Variants in ACOT11 observed in about 807,000 individuals in gnomAD.
ACOT11 encodes the protein acyl-CoA thioesterase 11.
In ACOT11, 69 loss-of-function variants were observed where a neutral mutation model predicts 77.5. The ratio of observed to expected loss-of-function variants is 0.89; its 90% CI spans 0.73 to 1.09. The LOEUF is 1.09. Among genes scored for constraint, ACOT11 ranks in the 50% least tolerant of loss-of-function variants. The pLI, the probability that ACOT11 is intolerant of heterozygous loss-of-function variation, is 0.00. For synonymous variants in ACOT11, 279 were observed against 313.0 expected (o/e 0.89, Z 1.15); for missense variants, 766 against 813.7 (o/e 0.94, Z 0.71).
downstream of ACOT11, chr1:54,610,848 G>A (rs1644110275): frequency 1.0e-6 from 1 of 985,392 alleles, no homozygotes; most frequent in Non-Finnish European, 1.2e-6. Context: ...GGAATGCTGA[G>A]TCTGATGGGG....
At chr1:54,579,668 G>T (rs550227438) in intron 1 of ACOT11, among the ~76,000 whole-genome samples, 11 of 152,160 alleles carry the variant, frequency 7.2e-5, no homozygotes, top group Non-Finnish European at 1.5e-4. Flanking sequence ...CCACAACTCT[G>T]GAGTGGGTGC....
In ACOT11 at chr1:54,548,301, C is replaced by T. The variant is rs758888029; in HGVS notation, c.-9C>T. 2.5e-6 allele frequency: 4 copies of T among 1,593,880 alleles called. No individual in the cohort carries two copies. The highest frequency in any genetic ancestry group is 3.4e-6 in the Non-Finnish European group (4 of 1,170,656). On this transcript the variant is annotated 5_prime_UTR_variant, in exon 1 of 16. Transcript: ENST00000343744. ...GGGAGGGCGCTGCTTTCCCCGGCCA[C>T]CCGGCGCGATGATCCAGAATGTCGG...
Position 54,592,615 on chromosome 1 carries a change from G to C in ACOT11, c.372+9G>C, listed in dbSNP as rs756243665. ...TCAACTCCAGCATGGAGGTGTGTGG[G>C]GTGGGCACTGCTTGGGAGTGGGTGC... On this transcript the variant is annotated intron_variant, in intron 4 of 15. Coordinates refer to ENST00000343744, the MANE Select transcript of ACOT11 (RefSeq NM_147161.4). 1.2e-6 allele frequency: 2 copies of C among 1,613,278 alleles called. No homozygotes were observed. The highest frequency in any genetic ancestry group is 2.2e-5 in the South Asian group (2 of 90,820).
At chr1:54,599,886 A>C (rs1015708509) in intron 8 of ACOT11, among the ~76,000 whole-genome samples, 1 of 152,250 alleles carries the variant, frequency 6.6e-6, no homozygotes, top group Non-Finnish European at 1.5e-5. Flanking sequence ...TAAATAAGTA[A>C]ATTTTTTGAG....
chr1:54,607,432 A>G lies in ACOT11; in HGVS notation c.1502+167A>G, dbSNP rs548293148. On this transcript the variant is annotated intron_variant, in intron 14 of 15. Coordinates refer to ENST00000343744, the MANE Select transcript of ACOT11 (RefSeq NM_147161.4). The surrounding 1 kb of genome is among the most constrained non-coding windows in gnomAD (Gnocchi z 4.5). ...TTTTCTGGGCTGCTGTGGCTTTACT[A>G]TGGGTAAAATGAGGGATAGGGGCAC... Among the ~76,000 whole-genome samples the G allele has an allele frequency of 9.2e-5, 14 of 152,140 alleles. No homozygotes were observed. Among genetic ancestry groups the G allele is most frequent in the African/African-American group, 1.4e-4 (6 of 41,510 alleles).
intron 3 of ACOT11, among the ~76,000 whole-genome samples, chr1:54,588,884 G>T (rs1207007620): frequency 6.6e-6 from 1 of 152,168 alleles, no homozygotes; most frequent in African/African-American, 2.4e-5. Context: ...CTGGGGAGGG[G>T]CCTGGAGCAT....
chr1:54,614,865 G>A (rs772767374), downstream of ACOT11: 1 of 1,613,118 alleles, frequency 6.2e-7, no homozygotes, highest in Non-Finnish European at 8.5e-7. Flanking sequence ...GATGCCTGTG[G>A]GGAAAGGAAC....
At chr1:54,622,922 C>G (rs1260521961) in intron 15 of ACOT11, among the ~76,000 whole-genome samples, 1 of 152,002 alleles carries the variant, frequency 6.6e-6, no homozygotes, top group Admixed American at 6.6e-5. Context: ...CACCTGTAAT[C>G]CCAGCACTTT....
chr1:54,610,339 G>T, downstream of ACOT11: 1 of 1,569,080 alleles, frequency 6.4e-7, no homozygotes, highest in African/African-American at 1.4e-5. Flanking sequence ...ACAGAGACCG[G>T]CGGTACCTGC....
intron 15 of ACOT11, chr1:54,619,844 G>C: frequency 6.2e-7 from 1 of 1,612,796 alleles, no homozygotes; most frequent in South Asian, 1.1e-5. Context: ...GCCTGCCTCA[G>C]TCTTGGCAGC....
rs563371130 is a variant in ACOT11, at chr1:54,594,536, C to T, written c.472-20C>T. ...GGAGACTTGCCCTGAGTGTCCCCCA[C>T]CCTGTCCCCTGGCCGACAGGTGAAG... is the stretch of plus-strand genomic sequence containing the variant. On this transcript the variant is annotated intron_variant, in intron 5 of 15. Coordinates refer to ENST00000343744, the MANE Select transcript of ACOT11 (RefSeq NM_147161.4). The T allele has an allele frequency of 6.2e-7, 1 of 1,606,150 alleles. No individual in the cohort carries two copies. The highest frequency in any genetic ancestry group is 2.2e-5 in the East Asian group (1 of 44,782).
chr1:54,627,206 T>C (rs1370736214), intron 15 of ACOT11, among the ~76,000 whole-genome samples: 1 of 134,228 alleles, frequency 7.5e-6, no homozygotes, highest in African/African-American at 2.5e-5. Context: ...CCAGAGTCAG[T>C]TTGCAGCAGA....
chr1:54,596,168 C>A (rs1196373615), intron 6 of ACOT11, among the ~76,000 whole-genome samples: 1 of 152,214 alleles, frequency 6.6e-6, no homozygotes, highest in Non-Finnish European at 1.5e-5. Flanking sequence ...TCTTGACCTG[C>A]TGCAGCTCCT....
intron 15 of ACOT11, chr1:54,619,766 C>T: frequency 7.8e-7 from 1 of 1,289,464 alleles, no homozygotes; most frequent in Non-Finnish European, 1.1e-6. Context: ...AAACAGCCAT[C>T]ATGCCACCAC....
chr1:54,576,826 A>G (rs1296176292), intron 1 of ACOT11, among the ~76,000 whole-genome samples: 3 of 146,758 alleles, frequency 2.0e-5, no homozygotes, highest in Non-Finnish European at 2.9e-5. Flanking sequence ...AGGGCCTCAG[A>G]GACCTTGTTA....
At chr1:54,599,505 A>AGCCCTTT in intron 8 of ACOT11, 90 bp downstream of exon 8, 2 of 1,322,658 alleles carry the variant, frequency 1.5e-6, no homozygotes, top group Non-Finnish European at 2.0e-6. Context: ...ACTGTCCAGG[A>AGCCCTTT]GCCCTTTGCC....
At chr1:54,608,562 A>T (rs1644062686) in intron 15 of ACOT11, among the ~76,000 whole-genome samples, 1 of 152,114 alleles carries the variant, frequency 6.6e-6, no homozygotes, top group Admixed American at 6.5e-5. Flanking sequence ...GTGTTTGCTG[A>T]ATTCATATGC....
chr1:54,623,468 C>T, intron 15 of ACOT11: 1 of 1,159,522 alleles, frequency 8.6e-7, no homozygotes. Flanking sequence ...AGCTGGAATC[C>T]TGTGGGAGGC....
intron 3 of ACOT11, among the ~76,000 whole-genome samples, chr1:54,586,188 G>A (rs1012204161): frequency 6.6e-6 from 1 of 152,184 alleles, no homozygotes; most frequent in African/African-American, 2.4e-5. Flanking sequence ...CTTTGGGGAA[G>A]TCAGTCTCTC....
Sources: allele counts gnomAD v4.1 joint callset (sites outside exome capture counted in the v4.1 genomes callset), GRCh38; gene constraint gnomAD v4.1.1; non-coding constraint Gnocchi (gnomAD v3.1); transcripts MANE v1.5; gene names NCBI Gene and HGNC (gene_info 2026-07-23, HGNC 2026-07-21).